RNF180: variants seen among roughly 807,000 people sequenced by gnomAD.
RNF180 encodes E3 ubiquitin-protein ligase RNF180.
Under a neutral mutation model 59.2 loss-of-function variants are expected in RNF180, and 38 were observed. The observed-to-expected ratio is 0.64, with a 90% CI of 0.50 to 0.84. The LOEUF is 0.84. Among genes scored for constraint, RNF180 ranks in the 40% least tolerant of loss-of-function variants. The pLI is 0.00. For synonymous variants in RNF180, 262 were observed against 240.3 expected (o/e 1.09, Z -0.84); for missense variants, 705 against 700.9 (o/e 1.01, Z -0.07).
chr5:64,356,248 T>A (rs751246733), intron 7 of RNF180, among the ~76,000 whole-genome samples: 1 of 150,468 alleles, frequency 6.6e-6, no homozygotes, highest in African/African-American at 2.4e-5. Context: ...GCTGACAGAG[T>A]GAGACCATCT....
At chr5:64,354,367 A>T (rs933812920) in intron 7 of RNF180, among the ~76,000 whole-genome samples, 1 of 151,872 alleles carries the variant, frequency 6.6e-6, no homozygotes, top group Non-Finnish European at 1.5e-5. Flanking sequence ...GCACAAATTT[A>T]TAAAAACATA....
rs575393932 is a variant in RNF180 at position 64,191,592 on chromosome 5, CAT to C, written c.1-9213_1-9212del. ...CAAAGGTCAATGCATGAAATACAAA[CAT>C]ATTTTTTCTGTTGTCTAATGACTTT... On this transcript the variant is annotated intron_variant, in intron 1 of 7. Transcript: ENST00000389100. 7.2e-5 allele frequency among the ~76,000 whole-genome samples: 11 copies of C among 152,274 alleles called. No homozygotes were observed. In the East Asian group the frequency reaches 1.5e-3, roughly 21 times the overall value.
chr5:64,214,708 C>A (rs1380607696), intron 4 of RNF180, among the ~76,000 whole-genome samples, 191 bp downstream of exon 4: 1 of 152,072 alleles, frequency 6.6e-6, no homozygotes, highest in African/African-American at 2.4e-5. Flanking sequence ...AGTCTCTATG[C>A]TTCATGCATG....
chr5:64,233,338 A>G (rs992642768), intron 5 of RNF180, among the ~76,000 whole-genome samples: 3 of 152,254 alleles, frequency 2.0e-5, no homozygotes, highest in Non-Finnish European at 4.4e-5. Context: ...AGGACTGTCT[A>G]GAATGCATTG....
At chr5:64,209,722 A>G (rs1752205778) in intron 2 of RNF180, among the ~76,000 whole-genome samples, 1 of 152,082 alleles carries the variant, frequency 6.6e-6, no homozygotes, top group South Asian at 2.1e-4. Flanking sequence ...TGATAATGAA[A>G]AGATTACTTC....
At chr5:64,193,713 A>C (rs1751299746) in intron 1 of RNF180, among the ~76,000 whole-genome samples, 1 of 152,222 alleles carries the variant, frequency 6.6e-6, no homozygotes, top group Non-Finnish European at 1.5e-5. Context: ...GCCTGGGTTC[A>C]TTTCCACACT....
chr5:64,347,808 G>C (rs1183584989), intron 7 of RNF180, among the ~76,000 whole-genome samples: 3 of 152,094 alleles, frequency 2.0e-5, no homozygotes, highest in African/African-American at 7.2e-5. Context: ...ATTAACAAAA[G>C]CAGCTTCAAA....
At chr5:64,219,286 T>G (rs1752786855) in intron 5 of RNF180, among the ~76,000 whole-genome samples, 1 of 152,126 alleles carries the variant, frequency 6.6e-6, no homozygotes. Flanking sequence ...GAGATAGTCT[T>G]GCATTCCCGC....
intron 7 of RNF180, 143 bp from the exon 8 acceptor site, chr5:64,369,472 A>T (rs1480519926): frequency 2.0e-6 from 1 of 489,340 alleles, no homozygotes. Flanking sequence ...ATAATAAAAA[A>T]AAAAGAAAAA....
intron 7 of RNF180, among the ~76,000 whole-genome samples, chr5:64,344,551 T>C (rs762700030): frequency 2.6e-5 from 4 of 152,094 alleles, no homozygotes; most frequent in Non-Finnish European, 4.4e-5. Flanking sequence ...ACAATGATGG[T>C]GTACAGGATC....
At chr5:64,360,161 A>G (rs899247924) in intron 7 of RNF180, among the ~76,000 whole-genome samples, 5 of 151,972 alleles carry the variant, frequency 3.3e-5, no homozygotes, top group Admixed American at 6.6e-5. Flanking sequence ...GTTTTTTCCA[A>G]TTCTCTGAAG....
chr5:64,171,151 A>G (rs960487050), intron 1 of RNF180, among the ~76,000 whole-genome samples: 10 of 152,228 alleles, frequency 6.6e-5, no homozygotes, highest in African/African-American at 1.2e-4. Flanking sequence ...TTTTAGGCCA[A>G]AGAAGGCTAG....
chr5:64,280,354 G>A (rs1302117664), intron 5 of RNF180, among the ~76,000 whole-genome samples: 1 of 152,036 alleles, frequency 6.6e-6, no homozygotes, highest in East Asian at 1.9e-4. Flanking sequence ...TTTTGCTGCT[G>A]TTGCTTTGTC....
chr5:64,254,273 A>G (rs1743782709), intron 5 of RNF180, among the ~76,000 whole-genome samples: 1 of 152,146 alleles, frequency 6.6e-6, no homozygotes, highest in South Asian at 2.1e-4. Context: ...ATGCTGACAA[A>G]TGGAGCCTGA....
chr5:64,232,329 T>C (rs1742145527), intron 5 of RNF180, among the ~76,000 whole-genome samples: 1 of 151,872 alleles, frequency 6.6e-6, no homozygotes, highest in Non-Finnish European at 1.5e-5. Flanking sequence ...ACTAGGGGAG[T>C]TTTTTTACAA....
intron 5 of RNF180, among the ~76,000 whole-genome samples, chr5:64,290,011 T>A (rs979732907): frequency 6.6e-6 from 1 of 152,148 alleles, no homozygotes; most frequent in African/African-American, 2.4e-5. Context: ...CCTTTTTATG[T>A]GGGCATTTAG....
chr5:64,293,249 G>A (rs966734218), intron 5 of RNF180, among the ~76,000 whole-genome samples: 2 of 151,992 alleles, frequency 1.3e-5, no homozygotes, highest in East Asian at 1.9e-4. Context: ...TCCTGCTCCT[G>A]GGGGGGCTGT....
chr5:64,200,246 T>C (rs908725042), intron 1 of RNF180, among the ~76,000 whole-genome samples: 9 of 152,078 alleles, frequency 5.9e-5, no homozygotes, highest in African/African-American at 2.2e-4. Context: ...TAGCCTGTGC[T>C]ACCAAGCAAG....
At chr5:64,294,380 A>G (rs1742775722) in intron 5 of RNF180, among the ~76,000 whole-genome samples, 3 of 152,176 alleles carry the variant, frequency 2.0e-5, no homozygotes, top group South Asian at 4.1e-4. Flanking sequence ...TATACACACA[A>G]AAGTTAAAAA....
Sources: gnomAD v4.1 joint callset for allele counts (sites outside exome capture counted in the v4.1 genomes callset) on GRCh38, gnomAD v4.1.1 for gene constraint, MANE v1.5 for transcripts, NCBI Gene and HGNC (gene_info 2026-07-23, HGNC 2026-07-21) for gene names.